Variants in IL2RA observed in about 807,000 individuals in gnomAD.
IL2RA encodes interleukin-2 receptor subunit alpha.
A neutral mutation model predicts 37.8 loss-of-function variants in IL2RA; 24 were observed. The ratio of observed to expected loss-of-function variants is 0.63; its 90% CI spans 0.46 to 0.89. The LOEUF is 0.89. Among genes scored for constraint, IL2RA ranks in the 40% least tolerant of loss-of-function variants. IL2RA has a pLI of 0.00. For missense variants in IL2RA, 319 were observed against 348.6 expected (o/e 0.92, Z 0.68); for synonymous variants, 125 against 114.6 (o/e 1.09, Z -0.58).
rs903328732 is a variant in IL2RA, at chr10:6,033,620, T to C, written c.65-7595A>G. 2.0e-5 allele frequency among the ~76,000 whole-genome samples: 3 copies of C among 152,138 alleles called. No individual in the cohort carries two copies. The highest frequency in any genetic ancestry group is 7.2e-5 in the African/African-American group (3 of 41,434). On this transcript the variant is annotated intron_variant, in intron 1 of 7. Coordinates refer to ENST00000379959, the MANE Select transcript of IL2RA (RefSeq NM_000417.3). The surrounding 1 kb of genome is among the most constrained non-coding windows in gnomAD (Gnocchi z 4.3). The stretch of plus-strand genomic sequence containing the variant: ...GAAACCATTCAAAAATAAAAAATAA[T>C]GAACTATTGATACAGGCAATATTGA...
rs955990533 is a variant in IL2RA, at chr10:6,047,879, ATTAC to A, written c.64+14205_64+14208del. ...TATAATAGTCAATATAATTAAAATT[ATTAC>A]TTATGCAGTAATTAATTATGAGGTG... is the stretch of plus-strand genomic sequence containing the variant. On this transcript the variant is annotated intron_variant, in intron 1 of 7. Coordinates refer to ENST00000379959, the MANE Select transcript of IL2RA (RefSeq NM_000417.3). The surrounding 1 kb of genome is among the most constrained non-coding windows in gnomAD (Gnocchi z 5.0). 1.3e-5 allele frequency among the ~76,000 whole-genome samples: 2 copies of A among 152,070 alleles called. No individual in the cohort carries two copies. Among genetic ancestry groups the A allele is most frequent in the African/African-American group, 4.8e-5 (2 of 41,426 alleles).
In IL2RA at chr10:6,035,811, G is replaced by C. The variant is rs1332838798; in HGVS notation, c.65-9786C>G. On this transcript the variant is annotated intron_variant, in intron 1 of 7. Coordinates refer to ENST00000379959, the MANE Select transcript of IL2RA (RefSeq NM_000417.3). The surrounding 1 kb of genome is among the most constrained non-coding windows in gnomAD (Gnocchi z 5.4). The stretch of plus-strand genomic sequence containing the variant: ...TTCACATCTTCCGTTGGAGTTTGCT[G>C]TGGATGCTCATTAGACAGACATGGG... 6.6e-6 allele frequency: 1 copy of C among 152,242 alleles called. No individual in the cohort carries two copies. Among genetic ancestry groups the C allele is most frequent in the African/African-American group, 2.4e-5 (1 of 41,458 alleles). The allele number at this position is 152,242 out of a possible 1,614,324, so 9.4% of individuals were successfully genotyped here.
intron 5 of IL2RA, 108 bp downstream of exon 5, chr10:6,019,762 G>A: frequency 9.6e-7 from 1 of 1,043,166 alleles, no homozygotes; most frequent in African/African-American, 1.6e-5. Context: ...GCTGCTGTGG[G>A]CTTCTCCCCT....
intron 1 of IL2RA, among the ~76,000 whole-genome samples, chr10:6,061,843 C>T (rs1004902311): frequency 6.6e-6 from 1 of 152,170 alleles, no homozygotes; most frequent in Non-Finnish European, 1.5e-5. Context: ...CACTATTCTT[C>T]CCAGAATTAA....
rs1839466406 is a variant in IL2RA, at chr10:6,025,436, A to G, written c.256+398T>C. Among the ~76,000 whole-genome samples the G allele has an allele frequency of 6.6e-6, 1 of 151,058 alleles. No homozygotes were observed. The highest frequency in any genetic ancestry group is 2.1e-4 in the South Asian group (1 of 4,774). ...TTTGGGTGGCTGAGATGGGCAGATT[A>G]CTCAAGGTCAGGAGTTTGAGACCAG... is the stretch of plus-strand genomic sequence containing the variant. On this transcript the variant is annotated intron_variant, in intron 2 of 7. Transcript: ENST00000379959. This position sits in a 1 kb window ranked among gnomAD's most constrained non-coding sequence, Gnocchi z 4.4.
At chr10:6,037,996 T>C (rs1374608500) in intron 1 of IL2RA, among the ~76,000 whole-genome samples, 1 of 152,096 alleles carries the variant, frequency 6.6e-6, no homozygotes, top group Non-Finnish European at 1.5e-5. Flanking sequence ...AGTAAGTGGT[T>C]TGGGTGCAAA....
chr10:6,017,334 G>T, intron 7 of IL2RA: 1 of 153,244 alleles, frequency 6.5e-6, no homozygotes, highest in Admixed American at 6.5e-5. Flanking sequence ...TGCTGCCCTG[G>T]GTCCTCTATA....
rs1445330263 is a variant in IL2RA at position 6,036,315 on chromosome 10, C to T, written c.65-10290G>A. ...CTCCCAGGCACCTGCTCTCTCCTTT[C>T]GAGTGTTCGACTCCACTCTCAGTCA... On this transcript the variant is annotated intron_variant, in intron 1 of 7. Transcript: ENST00000379959. The surrounding 1 kb of genome is among the most constrained non-coding windows in gnomAD (Gnocchi z 6.1). 2 of 152,210 alleles carry T rather than the reference C, an allele frequency of 1.3e-5. No homozygotes were observed. The highest frequency in any genetic ancestry group is 1.9e-4 in the East Asian group (1 of 5,194). The allele number at this position is 152,210 out of a possible 1,614,324, so 9.4% of individuals were successfully genotyped here. A position where few individuals can be genotyped will look rare whatever the true frequency, so the allele number is the denominator to read the frequency against.
Position 6,014,186 on chromosome 10 carries a change from C to T in IL2RA, c.795-1290G>A, listed in dbSNP as rs1345690446. ...TTTGCAGAAGTCCCGAAAATTTAAC[C>T]GCTGGCTCTCACAAGCCACTGTGAG... is the stretch of plus-strand genomic sequence containing the variant. On this transcript the variant is annotated intron_variant, in intron 7 of 7. Transcript: ENST00000379959. The surrounding 1 kb of genome is among the most constrained non-coding windows in gnomAD (Gnocchi z 4.4). Among the ~76,000 whole-genome samples, 2 of 152,252 alleles carry T rather than the reference C, an allele frequency of 1.3e-5. No homozygotes were observed. Among genetic ancestry groups the T allele is most frequent in the East Asian group, 1.9e-4 (1 of 5,178 alleles).
At position 6,018,175 on chromosome 10, in the gene IL2RA, C is replaced by T; in HGVS notation, c.728-56G>A. On this transcript the variant is annotated intron_variant, in intron 6 of 7. Transcript: ENST00000379959. The surrounding 1 kb of genome is among the most constrained non-coding windows in gnomAD (Gnocchi z 5.1). ...GGCCCTGGGCTTGGCATGGGGGCAG[C>T]AGGAGCCAGGGCCACAGGGCAGGCT... 2 of 1,395,490 alleles carry T rather than the reference C, an allele frequency of 1.4e-6. No homozygotes were observed. The highest frequency in any genetic ancestry group is 2.3e-5 in the South Asian group (2 of 85,782). 86.4% of individuals were successfully genotyped at this position (1,395,490 alleles called of 1,614,324 possible).
chr10:6,025,734 G>T lies in IL2RA; in HGVS notation c.256+100C>A. ...ATTAGTTATCCTGTAGACTGGACTG[G>T]CCCATTTGTGTCTATAGGGCTGAGT... On this transcript the variant is annotated intron_variant, in intron 2 of 7. Coordinates refer to ENST00000379959, the MANE Select transcript of IL2RA (RefSeq NM_000417.3). The surrounding 1 kb of genome is among the most constrained non-coding windows in gnomAD (Gnocchi z 4.4). The T allele has an allele frequency of 9.2e-7, 1 of 1,088,082 alleles. No individual in the cohort carries two copies. Among genetic ancestry groups the T allele is most frequent in the Non-Finnish European group, 1.4e-6 (1 of 707,788 alleles). The allele number at this position is 1,088,082 out of a possible 1,614,324, so 67.4% of individuals were successfully genotyped here.
At chr10:6,031,013 T>C (rs1308095738) in intron 1 of IL2RA, among the ~76,000 whole-genome samples, 2 of 152,012 alleles carry the variant, frequency 1.3e-5, no homozygotes, top group Admixed American at 1.3e-4. Flanking sequence ...TAAATTTGTT[T>C]GGTTAGCCAA....
chr10:6,022,655 C>T lies in IL2RA; in HGVS notation c.368-962G>A, dbSNP rs998112223. 8.7e-5 allele frequency among the ~76,000 whole-genome samples: 13 copies of T among 149,166 alleles called. No homozygotes were observed. Among genetic ancestry groups the T allele is most frequent in the Admixed American group, 2.0e-4 (3 of 15,032 alleles). On this transcript the variant is annotated intron_variant, in intron 3 of 7. Coordinates refer to ENST00000379959, the MANE Select transcript of IL2RA (RefSeq NM_000417.3). The surrounding 1 kb of genome is among the most constrained non-coding windows in gnomAD (Gnocchi z 4.7). ...CTGCCATGTGGCACCTTGAACATCA[C>T]GACTGAACTTGTGTTTTGGTCTCAG...
chr10:6,049,148 C>A (rs1055536551), intron 1 of IL2RA, among the ~76,000 whole-genome samples: 1 of 152,252 alleles, frequency 6.6e-6, no homozygotes, highest in African/African-American at 2.4e-5. Context: ...GGTGGTGTGG[C>A]TCAGTCTAAG....
Position 6,019,505 on chromosome 10 carries a change from A to G in IL2RA, c.656-6T>C. 1 of 1,605,176 alleles carries G rather than the reference A, an allele frequency of 6.2e-7. No homozygotes were observed. The highest frequency in any genetic ancestry group is 8.5e-7 in the Non-Finnish European group (1 of 1,171,798). On this transcript the variant is annotated splice_region_variant and splice_polypyrimidine_tract_variant and intron_variant, in intron 5 of 7. Transcript: ENST00000379959. Reference sequence around the variant, plus strand: ...TTCTGTCTGTATTTGAAAATCTGTGAAAAAGAGATAAAGAGAGACACTCCT... The same window carrying G: ...TTCTGTCTGTATTTGAAAATCTGTGGAAAAGAGATAAAGAGAGACACTCCT...
In IL2RA at chr10:6,035,730, G is replaced by T. The variant is rs914390155; in HGVS notation, c.65-9705C>A. Among the ~76,000 whole-genome samples, 3 of 152,150 alleles carry T rather than the reference G, an allele frequency of 2.0e-5. No homozygotes were observed. The highest frequency in any genetic ancestry group is 7.2e-5 in the African/African-American group (3 of 41,430). ...AATCCTGAAAATGCCGAGGGCTTTG[G>T]CCTGGGACCCACACCAAGACAGAGT... On this transcript the variant is annotated intron_variant, in intron 1 of 7. Transcript: ENST00000379959. This position sits in a 1 kb window ranked among gnomAD's most constrained non-coding sequence, Gnocchi z 5.4.
At chr10:6,032,873 T>C (rs1259324831) in intron 1 of IL2RA, among the ~76,000 whole-genome samples, 1 of 152,128 alleles carries the variant, frequency 6.6e-6, no homozygotes, top group Non-Finnish European at 1.5e-5. Flanking sequence ...CCAAAGAAGA[T>C]ACACGACTAT....
Position 6,018,193 on chromosome 10 carries a change from G to A in IL2RA, c.728-74C>T. 1 of 1,145,212 alleles carries A rather than the reference G, an allele frequency of 8.7e-7. No homozygotes were observed. Among genetic ancestry groups the A allele is most frequent in the Non-Finnish European group, 1.3e-6 (1 of 760,578 alleles). 70.9% of individuals were successfully genotyped at this position (1,145,212 alleles called of 1,614,324 possible). ...GGGGCAGCAGGAGCCAGGGCCACAG[G>A]GCAGGCTGAGGACATCCCCAAAGAG... On this transcript the variant is annotated intron_variant, in intron 6 of 7. Coordinates refer to ENST00000379959, the MANE Select transcript of IL2RA (RefSeq NM_000417.3). This position sits in a 1 kb window ranked among gnomAD's most constrained non-coding sequence, Gnocchi z 5.1.
intron 1 of IL2RA, among the ~76,000 whole-genome samples, chr10:6,038,533 G>A (rs77798566): frequency 0.018 from 2,741 of 152,318 alleles, 78 homozygotes; most frequent in African/African-American, 0.062. Flanking sequence ...GAGAGATTAA[G>A]TAAGTTGGCT....
Sources: gnomAD v4.1 joint callset for allele counts (sites outside exome capture counted in the v4.1 genomes callset) on GRCh38, gnomAD v4.1.1 for gene constraint, Gnocchi (gnomAD v3.1) non-coding constraint, MANE v1.5 for transcripts, NCBI Gene and HGNC (gene_info 2026-07-23, HGNC 2026-07-21) for gene names.